LRCH1: variants seen among roughly 807,000 people sequenced by gnomAD.
LRCH1 encodes leucine-rich repeat and calponin homology domain-containing protein 1.
A neutral mutation model predicts 94.9 loss-of-function variants in LRCH1; 23 were observed. That is an observed-to-expected ratio of 0.24 (90% confidence interval 0.17 to 0.34). The LOEUF is 0.34. LRCH1 is among the 10% of genes least tolerant of loss of function. LRCH1 has a pLI of 1.00. For missense variants in LRCH1, 790 were observed against 945.9 expected (o/e 0.84, Z 2.16); for synonymous variants, 364 against 354.9 (o/e 1.03, Z -0.29).
intron 13 of LRCH1, among the ~76,000 whole-genome samples, chr13:46,709,714 A>G (rs1049934018): frequency 6.6e-6 from 1 of 152,136 alleles, no homozygotes; most frequent in African/African-American, 2.4e-5. Context: ...TTTTAACATA[A>G]GGTTGATTTT....
chr13:46,650,501 T>G (rs1189819120), intron 2 of LRCH1, among the ~76,000 whole-genome samples, 156 bp downstream of exon 2: 1 of 152,136 alleles, frequency 6.6e-6, no homozygotes, highest in Admixed American at 6.6e-5. Flanking sequence ...TCTAATAAAT[T>G]TGTAATGTTG....
chr13:46,616,015 C>G (rs1338915054), intron 1 of LRCH1, among the ~76,000 whole-genome samples: 1 of 152,110 alleles, frequency 6.6e-6, no homozygotes, highest in Non-Finnish European at 1.5e-5. Context: ...TATTTTGCTT[C>G]TAGAGTAATT....
intron 2 of LRCH1, among the ~76,000 whole-genome samples, chr13:46,661,337 AGATGGTT>A (rs1488940141): frequency 6.6e-6 from 1 of 152,206 alleles, no homozygotes; most frequent in African/African-American, 2.4e-5. Flanking sequence ...TTATGTTACA[AGATGGTT>A]GTGAATATAA....
intron 1 of LRCH1, among the ~76,000 whole-genome samples, chr13:46,623,061 G>T (rs776552407): frequency 1.6e-4 from 25 of 152,276 alleles, no homozygotes; most frequent in Middle Eastern, 6.8e-3. Flanking sequence ...GTTAAAAGAT[G>T]CCAGTCTGTC....
rs567283818 is a variant in LRCH1 at position 46,660,160 on chromosome 13, C to T, written c.453-8870C>T. On this transcript the variant is annotated intron_variant, in intron 2 of 19. Transcript: ENST00000389797. ...CCTAGTAGCTGGGACTACAGGCGCCCGCCACCACGCCCGGCTAATTTTTTG... is the reference window on the plus strand; with the variant it reads ...CCTAGTAGCTGGGACTACAGGCGCCTGCCACCACGCCCGGCTAATTTTTTG... Among the ~76,000 whole-genome samples the T allele has an allele frequency of 9.3e-5, 14 of 151,074 alleles. No individual in the cohort carries two copies. The South Asian group carries it at 1.3e-3, about 14-fold the overall frequency.
intron 18 of LRCH1, among the ~76,000 whole-genome samples, chr13:46,732,505 G>A (rs1300955913): frequency 2.0e-5 from 3 of 152,178 alleles, no homozygotes; most frequent in African/African-American, 7.2e-5. Context: ...TTTTTCTGTA[G>A]CTTGAAACAC....
At position 46,715,660 on chromosome 13, in the gene LRCH1, C is replaced by A. The variant is rs533078248; in HGVS notation, c.1755C>A (p.Asp585Glu). The A allele has an allele frequency of 2.2e-5, 34 of 1,529,944 alleles. No homozygotes were observed. In the South Asian group the frequency reaches 3.7e-4, roughly 17 times the overall value. 94.8% of individuals were successfully genotyped at this position (1,529,944 alleles called of 1,614,324 possible). A position where few individuals can be genotyped will look rare whatever the true frequency, so the allele number is the denominator to read the frequency against. Residue 585 changes from aspartate (D) to glutamate (E), a missense_variant, in exon 16 of 20, where the codon GAC becomes GAA. By Grantham distance (45) the Asp-to-Glu change is conservative (BLOSUM62 2). Transcript: ENST00000389797. Reference sequence around the variant, plus strand: ...GTGTTCCATCTGAAGGAGACAGTGACAATGGTAGGTGGCTTTGTACCTATT... The same window carrying A: ...GTGTTCCATCTGAAGGAGACAGTGAAAATGGTAGGTGGCTTTGTACCTATT... The part of the protein sequence containing the change: ...SYSVPSEGDS[D>E]NVFLRPQRNL...
At chr13:46,652,395 G>T (rs9534451) in intron 2 of LRCH1, among the ~76,000 whole-genome samples, 7 of 146,640 alleles carry the variant, frequency 4.8e-5, no homozygotes, top group Non-Finnish European at 4.5e-5. Flanking sequence ...TGTTTTTTTT[G>T]TTTTTTTTTT....
intron 1 of LRCH1, among the ~76,000 whole-genome samples, chr13:46,577,792 G>A (rs1458220011): frequency 1.3e-5 from 2 of 152,210 alleles, no homozygotes; most frequent in Non-Finnish European, 2.9e-5. Context: ...AAAAGAGAAC[G>A]AGAAGGAAAT....
intron 1 of LRCH1, among the ~76,000 whole-genome samples, chr13:46,573,063 A>G (rs913487675): frequency 2.0e-5 from 3 of 152,228 alleles, no homozygotes; most frequent in South Asian, 2.1e-4. Context: ...CAAGGAGTGC[A>G]GAGCAATGCC....
At chr13:46,632,987 T>C (rs1211442276) in intron 1 of LRCH1, among the ~76,000 whole-genome samples, 1 of 152,240 alleles carries the variant, frequency 6.6e-6, no homozygotes, top group Admixed American at 6.5e-5. Context: ...AGCTTCCAAA[T>C]AGATCTGTTA....
intron 4 of LRCH1, among the ~76,000 whole-genome samples, chr13:46,682,638 A>C (rs1158517878): frequency 6.6e-6 from 1 of 152,114 alleles, no homozygotes. Context: ...AGTGTCTAGA[A>C]TCTGTTCTGA....
At chr13:46,659,436 G>A (rs766474170) in intron 2 of LRCH1, among the ~76,000 whole-genome samples, 8 of 151,916 alleles carry the variant, frequency 5.3e-5, no homozygotes, top group African/African-American at 1.2e-4. Context: ...CAGATGATCC[G>A]CCCCTCTCAG....
chr13:46,603,313 C>T (rs556835085), intron 1 of LRCH1, among the ~76,000 whole-genome samples: 1 of 152,256 alleles, frequency 6.6e-6, no homozygotes, highest in East Asian at 1.9e-4. Context: ...CTGACCCTGA[C>T]TCAAGTCTTC....
chr13:46,609,832 C>T (rs917516298), intron 1 of LRCH1, among the ~76,000 whole-genome samples: 9 of 152,160 alleles, frequency 5.9e-5, no homozygotes, highest in African/African-American at 2.2e-4. Context: ...AGCGGGGAGG[C>T]GGGGACCAGA....
At chr13:46,582,487 T>TTG (rs374651149) in intron 1 of LRCH1, among the ~76,000 whole-genome samples, 3 of 50,660 alleles carry the variant, frequency 5.9e-5, no homozygotes, top group African/African-American at 2.2e-4. Flanking sequence ...GATGAACATA[T>TTG]TGTTTTTTTT....
At chr13:46,716,809 A>G (rs1872344648) in intron 16 of LRCH1, among the ~76,000 whole-genome samples, 1 of 152,222 alleles carries the variant, frequency 6.6e-6, no homozygotes, top group South Asian at 2.1e-4. Context: ...CAGTTATTAA[A>G]CAAATGGCCC....
rs575874794 is a variant in LRCH1, at chr13:46,558,572, C to CAAAAAAAAA, written c.307+4887_307+4895dup. On this transcript the variant is annotated intron_variant, in intron 1 of 19. Transcript: ENST00000389797. ...CCAAGACGGTGAAACCCTGTGTCTA[C>CAAAAAAAAA]AAAAAAAAAAAAAAAAAAAAAAAAA... Among the ~76,000 whole-genome samples, 63 of 34,394 alleles carry CAAAAAAAAA rather than the reference C, an allele frequency of 1.8e-3. 10 individuals are homozygous for CAAAAAAAAA. Among genetic ancestry groups the CAAAAAAAAA allele is most frequent in the Middle Eastern group, 0.014 (1 of 74 alleles). 22.6% of individuals were successfully genotyped at this position (34,394 alleles called of 152,430 possible).
chr13:46,685,886 C>A lies in LRCH1; in HGVS notation c.686-19C>A, dbSNP rs752820071. ...TCTAAGGTTTTTTCTTTCTTTTTTT[C>A]TTTTTTCTATTATTTTAGAACTAGT... On this transcript the variant is annotated intron_variant, in intron 4 of 19. Coordinates refer to ENST00000389797, the MANE Select transcript of LRCH1 (RefSeq NM_001164211.2). The A allele has an allele frequency of 4.7e-6, 7 of 1,477,690 alleles. No individual in the cohort carries two copies. In the African/African-American group the frequency reaches 8.7e-5, roughly 18 times the overall value. 91.5% of individuals were successfully genotyped at this position (1,477,690 alleles called of 1,614,324 possible).
Sources: allele counts gnomAD v4.1 joint callset (sites outside exome capture counted in the v4.1 genomes callset), GRCh38; gene constraint gnomAD v4.1.1; transcripts MANE v1.5; gene names NCBI Gene and HGNC (gene_info 2026-07-23, HGNC 2026-07-21).